The following MMP26 variants were observed in gnomAD, a reference collection of about 807,000 sequenced individuals.
MMP26 encodes matrix metallopeptidase 26, also known as matrix metalloproteinase-26.
Under a neutral mutation model 31.0 loss-of-function variants are expected in MMP26, and 33 were observed. The observed-to-expected ratio is 1.06, with a 90% CI of 0.81 to 1.42. MMP26 has a LOEUF of 1.42. Ranked by LOEUF, MMP26 falls within the 40% of genes most tolerant of loss-of-function variation. The pLI is 0.00. For missense variants in MMP26, 347 were observed against 316.1 expected (o/e 1.10, Z -0.74); for synonymous variants, 122 against 114.9 (o/e 1.06, Z -0.40).
intron 2 of MMP26, chr11:4,769,947 A>G: frequency 8.9e-7 from 1 of 1,125,282 alleles, no homozygotes; most frequent in Non-Finnish European, 1.4e-6. Flanking sequence ...ATTTGTCCTC[A>G]CAATGCTTCC....
At chr11:4,706,622 AAAG>A (rs148230369) in intron 1 of MMP26, among the ~76,000 whole-genome samples, 13,058 of 151,250 alleles carry the variant, frequency 0.086, 1,373 homozygotes, top group East Asian at 0.24. Context: ...GAAAGAAAGA[AAAG>A]AACACTTAAC....
intron 2 of MMP26, among the ~76,000 whole-genome samples, chr11:4,898,656 C>T (rs1181573732): frequency 6.6e-6 from 1 of 151,972 alleles, no homozygotes; most frequent in Non-Finnish European, 1.5e-5. Flanking sequence ...TTATTGTTAG[C>T]ATTATTTATC....
rs750260868 is a variant in MMP26 at position 4,992,011 on chromosome 11, G to A, written c.643G>A (p.Gly215Ser). Residue 215 changes from glycine to serine, a missense_variant, in exon 7 of 8, where the codon GGC becomes AGC. Coordinates refer to ENST00000380390, the MANE Select transcript of MMP26 (RefSeq NM_021801.5). Reference protein sequence around the residue: ...VATHEIGHSLGLQHSGNQSSI... With the variant: ...VATHEIGHSLSLQHSGNQSSI... ...AACTCATGAGATTGGGCATTCTTTGGGCCTGCAGCACTCTGGGAATCAGAG... is the reference window on the plus strand; with the variant it reads ...AACTCATGAGATTGGGCATTCTTTGAGCCTGCAGCACTCTGGGAATCAGAG... The A allele has an allele frequency of 6.2e-7, 1 of 1,612,870 alleles. No individual in the cohort carries two copies. The highest frequency in any genetic ancestry group is 1.7e-5 in the Admixed American group (1 of 59,806).
Position 4,934,955 on chromosome 11 carries a change from A to G in MMP26, c.-144-53113A>G, listed in dbSNP as rs1161297419. 1.3e-5 allele frequency among the ~76,000 whole-genome samples: 2 copies of G among 151,722 alleles called. 1 individual carries two copies. The highest frequency in any genetic ancestry group is 2.9e-5 in the Non-Finnish European group (2 of 67,856). ...TCTATATCTCTGTTTTGTTACCAGT[A>G]CCATGCTGTTTTGGTTACTGTAGCC... On this transcript the variant is annotated intron_variant, in intron 2 of 7. Coordinates refer to ENST00000380390, the MANE Select transcript of MMP26 (RefSeq NM_021801.5).
chr11:4,982,102 T>C (rs181297616), intron 2 of MMP26, among the ~76,000 whole-genome samples: 48 of 151,954 alleles, frequency 3.2e-4, no homozygotes, highest in African/African-American at 1.1e-3. Context: ...CATACATACA[T>C]ATATACAATA....
In MMP26 at chr11:4,948,034, T is replaced by C. The variant is rs1846336569; in HGVS notation, c.-144-40034T>C. Among the ~76,000 whole-genome samples, 3 of 124,690 alleles carry C rather than the reference T, an allele frequency of 2.4e-5. 1 individual carries two copies. The South Asian group carries it at 7.2e-4, about 30-fold the overall frequency. The allele number at this position is 124,690 out of a possible 152,430, so 81.8% of individuals were successfully genotyped here. A position where few individuals can be genotyped will look rare whatever the true frequency, so the allele number is the denominator to read the frequency against. On this transcript the variant is annotated intron_variant, in intron 2 of 7. Coordinates refer to ENST00000380390, the MANE Select transcript of MMP26 (RefSeq NM_021801.5). ...CTAGGACATAATGTGTTATCCTAGA[T>C]TTTATTCCTGAATCCTGGATCCATC...
At position 4,991,593 on chromosome 11, in the gene MMP26, G is replaced by A. The variant is rs530073535; in HGVS notation, c.595+97G>A. On this transcript the variant is annotated intron_variant, in intron 6 of 7. Transcript: ENST00000380390. ...TAGGGATCCAGAGTGGTCAGGGTGAGGTGGAAGATTTGGCTGAGGAATCAG... is the reference window on the plus strand; with the variant it reads ...TAGGGATCCAGAGTGGTCAGGGTGAAGTGGAAGATTTGGCTGAGGAATCAG... 3.1e-5 allele frequency: 46 copies of A among 1,473,518 alleles called. No homozygotes were observed. The African/African-American group carries it at 6.2e-4, about 20-fold the overall frequency. The allele number at this position is 1,473,518 out of a possible 1,614,324, so 91.3% of individuals were successfully genotyped here. A position where few individuals can be genotyped will look rare whatever the true frequency, so the allele number is the denominator to read the frequency against.
chr11:4,762,866 T>C (rs530088577), intron 1 of MMP26, among the ~76,000 whole-genome samples: 1 of 152,296 alleles, frequency 6.6e-6, no homozygotes, highest in African/African-American at 2.4e-5. Flanking sequence ...CTAATAACTG[T>C]AGCTCAAAGA....
chr11:4,957,799 C>T (rs1187830407), intron 2 of MMP26, among the ~76,000 whole-genome samples: 1 of 152,076 alleles, frequency 6.6e-6, no homozygotes, highest in Non-Finnish European at 1.5e-5. Context: ...CTGCCTCAAC[C>T]TCCCAAGTAG....
At chr11:4,975,272 G>A (rs1486123851) in intron 2 of MMP26, among the ~76,000 whole-genome samples, 3 of 152,020 alleles carry the variant, frequency 2.0e-5, no homozygotes, top group Non-Finnish European at 2.9e-5. Flanking sequence ...GGAGGGCAAT[G>A]TATAAATTTT....
At chr11:4,906,831 C>G (rs1564804176) in intron 2 of MMP26, among the ~76,000 whole-genome samples, 2 of 152,104 alleles carry the variant, frequency 1.3e-5, no homozygotes, top group Non-Finnish European at 2.9e-5. Flanking sequence ...TGGCTCACAC[C>G]TGTAATCCCA....
intron 2 of MMP26, among the ~76,000 whole-genome samples, chr11:4,845,405 A>T (rs557203756): frequency 2.0e-5 from 3 of 152,284 alleles, no homozygotes; most frequent in African/African-American, 4.8e-5. Flanking sequence ...TAGAAAAAAC[A>T]ATCTTAATTT....
intron 2 of MMP26, among the ~76,000 whole-genome samples, chr11:4,813,511 G>A (rs1849378944): frequency 6.6e-6 from 1 of 151,996 alleles, no homozygotes; most frequent in African/African-American, 2.4e-5. Flanking sequence ...ACAGGCAGGA[G>A]CCACCACACA....
intron 2 of MMP26, among the ~76,000 whole-genome samples, chr11:4,817,699 TA>T (rs1356533363): frequency 2.0e-5 from 3 of 152,132 alleles, no homozygotes; most frequent in Admixed American, 6.5e-5. Context: ...ATGCAATAAT[TA>T]AAAGGAAGCT....
chr11:4,941,983 A>G (rs2595998), intron 2 of MMP26, among the ~76,000 whole-genome samples: 124,691 of 149,556 alleles, frequency 0.83, 52,138 homozygotes, highest in Middle Eastern at 0.91. Flanking sequence ...TACTCAGGAG[A>G]CTGAGGCAGG....
At chr11:4,727,416 A>G (rs979451930) in intron 1 of MMP26, among the ~76,000 whole-genome samples, 5 of 152,172 alleles carry the variant, frequency 3.3e-5, no homozygotes, top group Admixed American at 2.0e-4. Context: ...AAATATAAAA[A>G]TTTTATTATT....
intron 1 of MMP26, among the ~76,000 whole-genome samples, chr11:4,766,267 T>C (rs1164938489): frequency 3.9e-5 from 6 of 152,190 alleles, no homozygotes; most frequent in Admixed American, 2.6e-4. Flanking sequence ...GAACAAGAGA[T>C]GGAGAGAGCT....
intron 2 of MMP26, chr11:4,908,482 G>A (rs7941649): frequency 0.77 from 493,298 of 644,158 alleles, 192,627 homozygotes; most frequent in Middle Eastern, 0.86. Context: ...AGAAAAAAAA[G>A]TCAAGAGATA....
chr11:4,879,156 C>T (rs1352304146), intron 2 of MMP26, among the ~76,000 whole-genome samples: 1 of 152,048 alleles, frequency 6.6e-6, no homozygotes, highest in East Asian at 1.9e-4. Flanking sequence ...ATTGCTTGAA[C>T]CCAGGAGGTG....
Sources: allele counts gnomAD v4.1 joint callset (sites outside exome capture counted in the v4.1 genomes callset), GRCh38; gene constraint gnomAD v4.1.1; transcripts MANE v1.5; gene names NCBI Gene and HGNC (gene_info 2026-07-23, HGNC 2026-07-21).